HAS3: variants seen among roughly 807,000 people sequenced by gnomAD.
The protein encoded by HAS3 is hyaluronan synthase 3.
In HAS3, 27 loss-of-function variants were observed where a neutral mutation model predicts 50.3. The observed-to-expected ratio is 0.54, with a 90% confidence interval of 0.40 to 0.74. The LOEUF is 0.74. Among genes scored for constraint, HAS3 ranks in the 30% least tolerant of loss-of-function variants. HAS3 has a pLI of 0.00. For missense variants in HAS3, 517 were observed against 742.8 expected (o/e 0.70, Z 3.53); for synonymous variants, 339 against 310.9 (o/e 1.09, Z -0.95).
the HAS3 span, among the ~76,000 whole-genome samples, chr16:69,097,433 C>T: frequency 6.8e-6 from 1 of 146,674 alleles, no homozygotes; most frequent in Non-Finnish European, 1.5e-5. Flanking sequence ...GGTGACAGAG[C>T]GAGACTCTTT....
At chr16:69,095,152 T>C in the HAS3 span, among the ~76,000 whole-genome samples, 7 of 151,948 alleles carry the variant, frequency 4.6e-5, no homozygotes, top group African/African-American at 9.7e-5. Context: ...TGGCTAATTT[T>C]TTTTGTATTT....
At chr16:69,083,659 T>C in the HAS3 span, 1 of 1,556,210 alleles carries the variant, frequency 6.4e-7, no homozygotes, top group Non-Finnish European at 8.7e-7. Flanking sequence ...GGTCCTGCCG[T>C]AGACCTGGCT....
Position 69,115,468 on chromosome 16 carries a change from T to C in HAS3, c.*202T>C, listed in dbSNP as rs943937264. On this transcript the variant is annotated 3_prime_UTR_variant, in exon 4 of 4. Transcript: ENST00000569188. ...GAGGAGGCAACACTGATCCCCCAGA[T>C]GCAGGGCTGCAGGGGATTCTGTGTT... 4 of 1,275,358 alleles carry C rather than the reference T, an allele frequency of 3.1e-6. No homozygotes were observed. The highest frequency in any genetic ancestry group is 2.9e-5 in the East Asian group (1 of 34,018). 79.0% of individuals were successfully genotyped at this position (1,275,358 alleles called of 1,614,324 possible). A position where few individuals can be genotyped will look rare whatever the true frequency, so the allele number is the denominator to read the frequency against.
chr16:69,097,461 G>A, the HAS3 span, among the ~76,000 whole-genome samples: 4 of 145,018 alleles, frequency 2.8e-5, no homozygotes, highest in African/African-American at 1.0e-4. Flanking sequence ...AAAAAAAAAA[G>A]AGCCAAACAA....
rs2232228 is a variant in HAS3, at chr16:69,109,674, A to C, written c.279A>C (p.Ala93=). ...GCTCGGTGGCACTGTGCATTGCCGC[A>C]TACCAGGAGGACCCTGACTACTTGC... ...RRGSVALCIA[A]YQEDPDYLRK... is the part of the protein sequence containing the mutation. The change falls in exon 2 of 4, where the codon GCA becomes GCC. Residue 93 remains alanine (A), a synonymous_variant. Transcript: ENST00000569188. The surrounding 1 kb of genome is among the most constrained non-coding windows in gnomAD (Gnocchi z 5.3). 6.2e-7 allele frequency: 1 copy of C among 1,609,468 alleles called. No individual in the cohort carries two copies. Among genetic ancestry groups the C allele is most frequent in the Non-Finnish European group, 8.5e-7 (1 of 1,179,746 alleles).
At chr16:69,092,501 G>A in the HAS3 span, among the ~76,000 whole-genome samples, 2 of 151,624 alleles carry the variant, frequency 1.3e-5, no homozygotes, top group Non-Finnish European at 2.9e-5. Context: ...TACTCGGGAG[G>A]CTGAGGCAGG....
At chr16:69,097,939 A>G in the HAS3 span, among the ~76,000 whole-genome samples, 7 of 152,198 alleles carry the variant, frequency 4.6e-5, no homozygotes, top group African/African-American at 1.7e-4. Flanking sequence ...AGGAATTTAC[A>G]TAAAGGAAAT....
rs1961133197 is a variant in HAS3, at chr16:69,114,994, T to G, written c.1390T>G (p.Ser464Ala). 2 of 1,614,140 alleles carry G rather than the reference T, an allele frequency of 1.2e-6. No individual in the cohort carries two copies. Among genetic ancestry groups the G allele is most frequent in the East Asian group, 2.2e-5 (1 of 44,870 alleles). ...CTTTGCCATTGCTACCATCAACAAA[T>G]CTGGCTGGGGCACCTCTGGCCGAAA... ...KIFAIATINK[S>A]GWGTSGRKTI... Residue 464 changes from serine (S) to alanine (A), a missense_variant, in exon 4 of 4, where the codon TCT becomes GCT. Ser to Ala is a moderately conservative substitution (Grantham distance 99). Coordinates refer to ENST00000569188, the MANE Select transcript of HAS3 (RefSeq NM_001199280.2). This position sits in a 1 kb window ranked among gnomAD's most constrained non-coding sequence, Gnocchi z 6.4.
chr16:69,103,562 A>C (rs942614641), upstream of HAS3, among the ~76,000 whole-genome samples: 5 of 151,588 alleles, frequency 3.3e-5, no homozygotes, highest in African/African-American at 1.2e-4. Flanking sequence ...CACCTGGATA[A>C]TTTTTTGTAT....
the HAS3 span, among the ~76,000 whole-genome samples, chr16:69,092,464 G>A: frequency 6.6e-6 from 1 of 151,988 alleles, no homozygotes; most frequent in African/African-American, 2.4e-5. Flanking sequence ...TTAGCGAGGT[G>A]TGGTGGTATG....
chr16:69,094,185 G>A, the HAS3 span, among the ~76,000 whole-genome samples: 19 of 152,268 alleles, frequency 1.2e-4, no homozygotes, highest in South Asian at 4.1e-4. Flanking sequence ...GTCAGATTTC[G>A]TCTTTACTGT....
In HAS3 at chr16:69,117,175, C is replaced by T. The variant is rs1281122281; in HGVS notation, c.*1909C>T. 3.0e-6 allele frequency: 3 copies of T among 985,748 alleles called. No homozygotes were observed. Among genetic ancestry groups the T allele is most frequent in the East Asian group, 2.3e-4 (2 of 8,834 alleles). The allele number at this position is 985,748 out of a possible 1,614,324, so 61.1% of individuals were successfully genotyped here. A position where few individuals can be genotyped will look rare whatever the true frequency, so the allele number is the denominator to read the frequency against. The stretch of plus-strand genomic sequence containing the variant: ...GGCCAAGAAGTTAAACTATTTTGAG[C>T]ATTAGAATGGAGGAAATCCGGTCAG... On this transcript the variant is annotated 3_prime_UTR_variant, in exon 4 of 4. Transcript: ENST00000569188.
chr16:69,088,034 C>T, the HAS3 span, among the ~76,000 whole-genome samples: 755 of 152,234 alleles, frequency 5.0e-3, 11 homozygotes, highest in African/African-American at 0.018. Context: ...CTCTCCTCCA[C>T]TTCTTTGCTT....
chr16:69,117,167 A>G lies in HAS3; in HGVS notation c.*1901A>G. The G allele has an allele frequency of 1.0e-6, 1 of 985,908 alleles. No individual in the cohort carries two copies. The highest frequency in any genetic ancestry group is 1.2e-6 in the Non-Finnish European group (1 of 829,952). 61.1% of individuals were successfully genotyped at this position (985,908 alleles called of 1,614,324 possible). On this transcript the variant is annotated 3_prime_UTR_variant, in exon 4 of 4. Coordinates refer to ENST00000569188, the MANE Select transcript of HAS3 (RefSeq NM_001199280.2). ...GTTCTGCTGGCCAAGAAGTTAAACTATTTTGAGCATTAGAATGGAGGAAAT... is the reference window on the plus strand; with the variant it reads ...GTTCTGCTGGCCAAGAAGTTAAACTGTTTTGAGCATTAGAATGGAGGAAAT...
At chr16:69,102,508 C>T (rs2152252419), upstream of HAS3, among the ~76,000 whole-genome samples, 1 of 152,322 alleles carries the variant, frequency 6.6e-6, no homozygotes, top group East Asian at 1.9e-4. Flanking sequence ...GCATAGACTG[C>T]CATAAAGGTA....
chr16:69,098,009 T>G, the HAS3 span, among the ~76,000 whole-genome samples: 1 of 152,164 alleles, frequency 6.6e-6, no homozygotes, highest in South Asian at 2.1e-4. Context: ...ATTTACTGCT[T>G]TCACTGTAAA....
chr16:69,118,384 T>C, downstream of HAS3: 1 of 1,612,742 alleles, frequency 6.2e-7, no homozygotes, highest in African/African-American at 1.3e-5. Flanking sequence ...CAGTAGAGGA[T>C]GACCAGGTCC....
chr16:69,091,210 G>A, the HAS3 span, among the ~76,000 whole-genome samples: 5 of 152,070 alleles, frequency 3.3e-5, no homozygotes, highest in East Asian at 1.9e-4. Context: ...ATAGTGCCCC[G>A]CATCATTTTT....
rs138519294 is a variant in HAS3, at chr16:69,115,858, C to T, written c.*592C>T. On this transcript the variant is annotated 3_prime_UTR_variant, in exon 4 of 4. Coordinates refer to ENST00000569188, the MANE Select transcript of HAS3 (RefSeq NM_001199280.2). The stretch of plus-strand genomic sequence containing the variant: ...TTATGTGAGATACCCCACTCCACAT[C>T]AACATTCCAGGGATGAGCCAAACCA... 196 of 985,850 alleles carry T rather than the reference C, an allele frequency of 2.0e-4. No homozygotes were observed. The East Asian group carries it at 0.017, about 84-fold the overall frequency. 61.1% of individuals were successfully genotyped at this position (985,850 alleles called of 1,614,324 possible). A position where few individuals can be genotyped will look rare whatever the true frequency, so the allele number is the denominator to read the frequency against.
Sources: allele counts gnomAD v4.1 joint callset (sites outside exome capture counted in the v4.1 genomes callset), GRCh38; gene constraint gnomAD v4.1.1; non-coding constraint Gnocchi (gnomAD v3.1); transcripts MANE v1.5; gene names NCBI Gene and HGNC (gene_info 2026-07-23, HGNC 2026-07-21).